The following RTN4 variants were observed in gnomAD, a reference collection of about 807,000 sequenced individuals.
RTN4 encodes the protein reticulon 4.
RTN4 carries 32 observed loss-of-function variants against 90.4 expected under a neutral mutation model. The observed-to-expected ratio is 0.35, with a 90% confidence interval of 0.27 to 0.48. The LOEUF (loss-of-function observed/expected upper bound fraction) is 0.48, where lower values mean the gene tolerates loss of function less well. Among genes scored for constraint, RTN4 ranks in the 20% least tolerant of loss-of-function variants. The pLI, the probability that RTN4 is intolerant of heterozygous loss-of-function variation, is 0.99. For synonymous variants in RTN4, 629 were observed against 552.5 expected (o/e 1.14, Z -1.94); for missense variants, 1,706 against 1,430.2 (o/e 1.19, Z -3.11).
chr2:55,082,034 A>G (rs1293522096), intron 1 of RTN4, among the ~76,000 whole-genome samples: 1 of 152,068 alleles, frequency 6.6e-6, no homozygotes, highest in Non-Finnish European at 1.5e-5. Flanking sequence ...TTTCAGGTAG[A>G]TGGGTACTTT....
chr2:55,111,014 C>T (rs924167415), intron 1 of RTN4, among the ~76,000 whole-genome samples: 4 of 151,918 alleles, frequency 2.6e-5, no homozygotes, highest in African/African-American at 4.8e-5. Flanking sequence ...GTACTCCAGC[C>T]GGGGCAACTG....
At chr2:55,013,616 G>C (rs968959182) in intron 3 of RTN4, among the ~76,000 whole-genome samples, 1 of 122,200 alleles carries the variant, frequency 8.2e-6, no homozygotes, top group Non-Finnish European at 1.7e-5. Flanking sequence ...TTTGGGGGGG[G>C]GGGAGGGTGT....
chr2:55,016,847 C>T (rs905231025), intron 3 of RTN4, among the ~76,000 whole-genome samples: 1 of 152,096 alleles, frequency 6.6e-6, no homozygotes, highest in Non-Finnish European at 1.5e-5. Context: ...TAGATTAAAA[C>T]ATTTGCCAAG....
the RTN4 span, among the ~76,000 whole-genome samples, chr2:55,130,488 G>A: frequency 4.0e-3 from 602 of 152,208 alleles, 5 homozygotes; most frequent in Non-Finnish European, 6.7e-3. Context: ...GGTGGCTCAC[G>A]CCTGTAATCC....
intron 3 of RTN4, among the ~76,000 whole-genome samples, chr2:55,024,558 G>C (rs960999935): frequency 1.1e-4 from 16 of 152,038 alleles, no homozygotes; most frequent in Non-Finnish European, 2.9e-5. Flanking sequence ...CTTTTCAAAA[G>C]AATTCATAAT....
chr2:55,117,150 A>G (rs948365995), upstream of RTN4, among the ~76,000 whole-genome samples: 11 of 152,226 alleles, frequency 7.2e-5, no homozygotes, highest in African/African-American at 2.7e-4. Context: ...CCGGGATTAC[A>G]GGTGTGAGCC....
chr2:54,976,792 A>G (rs1677671694), intron 5 of RTN4, among the ~76,000 whole-genome samples: 1 of 152,224 alleles, frequency 6.6e-6, no homozygotes, highest in Non-Finnish European at 1.5e-5. Context: ...AGAAGCAAAC[A>G]GGCTGCTCTC....
intron 2 of RTN4, among the ~76,000 whole-genome samples, chr2:55,065,166 C>G (rs1421095261): frequency 2.0e-5 from 3 of 152,150 alleles, no homozygotes; most frequent in Admixed American, 2.0e-4. Flanking sequence ...GGAGTTTTTT[C>G]ATATCAGAAT....
chr2:55,024,468 A>T lies in RTN4; in HGVS notation c.3013+618T>A, dbSNP rs115434290. On this transcript the variant is annotated intron_variant, in intron 3 of 8. Coordinates refer to ENST00000337526, the MANE Select transcript of RTN4 (RefSeq NM_020532.5). ...GAATGCTAATAAAGAGCACATGTGCAAATCACCTTGTGCAAATCACCTTAT... is the reference window on the plus strand; with the variant it reads ...GAATGCTAATAAAGAGCACATGTGCTAATCACCTTGTGCAAATCACCTTAT... Among the ~76,000 whole-genome samples, 158 of 152,320 alleles carry T rather than the reference A, an allele frequency of 1.0e-3. 1 individual carries two copies. The highest frequency in any genetic ancestry group is 3.8e-3 in the African/African-American group (156 of 41,574).
At chr2:55,009,913 T>G (rs17046589) in intron 3 of RTN4, among the ~76,000 whole-genome samples, 24,588 of 152,212 alleles carry the variant, frequency 0.16, 2,363 homozygotes, top group South Asian at 0.35. Flanking sequence ...CATGACATTT[T>G]CTGGTATACA....
chr2:55,096,106 T>C lies in RTN4; in HGVS notation c.-213-15467A>G, dbSNP rs944986853. 3.3e-5 allele frequency among the ~76,000 whole-genome samples: 5 copies of C among 152,194 alleles called. No homozygotes were observed. The South Asian group carries it at 1.0e-3, about 32-fold the overall frequency. On this transcript the variant is annotated intron_variant, in intron 1 of 3. Coordinates refer to the RTN4 transcript ENST00000427710. ...CTTTGGGAGGCCGAGGCGGGTGGATTACCTGAGGACGGGAGTTCAAGCCCA... is the reference window on the plus strand; with the variant it reads ...CTTTGGGAGGCCGAGGCGGGTGGATCACCTGAGGACGGGAGTTCAAGCCCA...
At chr2:54,974,788 A>G (rs1677478706) in intron 5 of RTN4, 24 bp from the exon 6 acceptor site, 2 of 1,593,478 alleles carry the variant, frequency 1.3e-6, no homozygotes. Context: ...ACATTAGCCC[A>G]TTATAAACAA....
intron 3 of RTN4, among the ~76,000 whole-genome samples, chr2:55,019,993 G>C (rs928849306): frequency 2.2e-4 from 33 of 152,034 alleles, no homozygotes; most frequent in African/African-American, 7.5e-4. Flanking sequence ...TTTAACCAAG[G>C]AGGTGAAAGA....
upstream of RTN4, chr2:55,050,467 G>A (rs200672709): frequency 5.7e-5 from 24 of 421,762 alleles, no homozygotes; most frequent in South Asian, 6.9e-4. This position sits in a 1 kb window ranked among gnomAD's most constrained non-coding sequence, Gnocchi z 4.6. Context: ...TGCTCCTCCT[G>A]CCTCCGCGCC....
rs74700240 is a variant in RTN4 at position 55,037,567 on chromosome 2, T to C, written c.557-9347A>G. 1.9e-3 allele frequency among the ~76,000 whole-genome samples: 283 copies of C among 152,332 alleles called. 9 individuals are homozygous for C. In the East Asian group the frequency reaches 0.051, roughly 28 times the overall value. On this transcript the variant is annotated intron_variant, in intron 1 of 8. Coordinates refer to ENST00000337526, the MANE Select transcript of RTN4 (RefSeq NM_020532.5). The stretch of plus-strand genomic sequence containing the variant: ...TGAGGGAACTGGCACAAGAAAATGC[T>C]AATATTCTGGCTACTGTCATTGCTG...
the RTN4 span, among the ~76,000 whole-genome samples, chr2:55,126,996 C>G: frequency 1.3e-5 from 2 of 152,076 alleles, no homozygotes; most frequent in Non-Finnish European, 2.9e-5. Flanking sequence ...ACAACAGACA[C>G]TGGGGTCTAC....
intron 3 of RTN4, chr2:55,014,476 T>C (rs1680880269): frequency 1.3e-5 from 2 of 152,112 alleles, no homozygotes; most frequent in East Asian, 1.9e-4. Context: ...GCTATGCTAA[T>C]CTTCTCTGTA....
rs1213297253 is a variant in RTN4, at chr2:54,983,258, A to T, written c.3222-605T>A. Among the ~76,000 whole-genome samples the T allele has an allele frequency of 2.6e-5, 4 of 152,128 alleles. No homozygotes were observed. The East Asian group carries it at 5.8e-4, about 22-fold the overall frequency. On this transcript the variant is annotated intron_variant, in intron 4 of 8. Coordinates refer to ENST00000337526, the MANE Select transcript of RTN4 (RefSeq NM_020532.5). ...CCTAGCAAAACATAAGAGTTACATC[A>T]TCTAGATGTTTTAATCCATACCGAG... is the stretch of plus-strand genomic sequence containing the variant.
At chr2:55,009,072 A>G (rs1001373308) in intron 3 of RTN4, among the ~76,000 whole-genome samples, 3 of 152,132 alleles carry the variant, frequency 2.0e-5, no homozygotes, top group Non-Finnish European at 4.4e-5. Context: ...CCTTTTCCCC[A>G]CATCTTTATT....
Sources: allele counts gnomAD v4.1 joint callset (sites outside exome capture counted in the v4.1 genomes callset), GRCh38; gene constraint gnomAD v4.1.1; non-coding constraint Gnocchi (gnomAD v3.1); transcripts MANE v1.5; gene names NCBI Gene and HGNC (gene_info 2026-07-23, HGNC 2026-07-21).